Variants in RBFOX1 observed in about 807,000 individuals in gnomAD.
RBFOX1 encodes the protein RNA binding protein fox-1 homolog 1.
RBFOX1 carries 8 observed loss-of-function variants against 57.7 expected under a neutral mutation model. The ratio of observed to expected loss-of-function variants is 0.14; its 90% CI spans 0.08 to 0.25. The LOEUF (loss-of-function observed/expected upper bound fraction) is 0.25, where lower values mean the gene tolerates loss of function less well. Ranked by LOEUF, RBFOX1 falls within the 10% of genes least tolerant of loss-of-function variation. The pLI is 1.00. For missense variants in RBFOX1, 611 were observed against 548.5 expected (o/e 1.11, Z -1.14); for synonymous variants, 326 against 222.4 (o/e 1.47, Z -4.15).
chr16:5,755,258 A>T (rs573506547), intron 3 of RBFOX1, among the ~76,000 whole-genome samples: 96 of 149,592 alleles, frequency 6.4e-4, no homozygotes, highest in African/African-American at 2.1e-3. Flanking sequence ...CTCAAGGCAG[A>T]AGAATTTTTC....
chr16:6,580,905 T>A (rs1448500006), intron 2 of RBFOX1, among the ~76,000 whole-genome samples: 6 of 91,670 alleles, frequency 6.5e-5, no homozygotes, highest in Admixed American at 9.7e-5. Flanking sequence ...TCATTTGGGC[T>A]TGCTTTTTTT....
At position 7,025,711 on chromosome 16, in the gene RBFOX1, G is replaced by T. The variant is rs1308339335; in HGVS notation, c.-15-26346G>T. ...CCTGGCCTCTGGAGCCTGCCGCACT[G>T]CCAGTCAGGACATCCTAGCTGAGCA... On this transcript the variant is annotated intron_variant, in intron 3 of 15. Transcript: ENST00000550418. 3.3e-5 allele frequency among the ~76,000 whole-genome samples: 5 copies of T among 152,044 alleles called. No individual in the cohort carries two copies. The East Asian group carries it at 7.8e-4, about 24-fold the overall frequency.
intron 2 of RBFOX1, among the ~76,000 whole-genome samples, chr16:5,595,219 T>C (rs1346308696): frequency 6.6e-6 from 1 of 152,192 alleles, no homozygotes; most frequent in South Asian, 2.1e-4. Flanking sequence ...GCAGTTGTTA[T>C]GCAAAGAATA....
chr16:5,671,236 A>C (rs572753797), intron 3 of RBFOX1, among the ~76,000 whole-genome samples: 1 of 152,364 alleles, frequency 6.6e-6, no homozygotes, highest in South Asian at 2.1e-4. Context: ...GCAAAGCAAG[A>C]GAATAAAAGA....
chr16:7,403,971 TTTA>T (rs1424585658), intron 4 of RBFOX1, among the ~76,000 whole-genome samples: 6 of 150,236 alleles, frequency 4.0e-5, no homozygotes, highest in Middle Eastern at 6.5e-3. Flanking sequence ...TTAAGTTGTT[TTTA>T]TTATTGTGAA....
At chr16:5,682,692 T>A (rs1356935582) in intron 3 of RBFOX1, among the ~76,000 whole-genome samples, 1 of 152,200 alleles carries the variant, frequency 6.6e-6, no homozygotes, top group African/African-American at 2.4e-5. Context: ...TCAGGTTTTA[T>A]CCAAGGTTGT....
At position 5,879,270 on chromosome 16, in the gene RBFOX1, G is replaced by A. The variant is rs114210564; in HGVS notation, c.351+11935G>A. Among the ~76,000 whole-genome samples the A allele has an allele frequency of 3.5e-3, 527 of 152,354 alleles. 4 individuals are homozygous for A. Among genetic ancestry groups the A allele is most frequent in the African/African-American group, 0.012 (505 of 41,584 alleles). On this transcript the variant is annotated intron_variant, in intron 4 of 19. Transcript: ENST00000641259. ...CAAATGCTGTGCTGGGCCAGCAGGG[G>A]TTTCAGATGGTAAGCAGAAGCTGGA...
At chr16:7,035,532 G>C (rs1428384718) in intron 3 of RBFOX1, among the ~76,000 whole-genome samples, 1 of 152,144 alleles carries the variant, frequency 6.6e-6, no homozygotes, top group East Asian at 1.9e-4. Context: ...TTCCCACTCA[G>C]TTTCTTTCTG....
intron 2 of RBFOX1, chr16:5,598,856 A>G (rs1251788785): frequency 1.4e-6 from 2 of 1,414,708 alleles, no homozygotes; most frequent in Admixed American, 5.2e-5. Context: ...TTTTTCCTCA[A>G]CCCGGCTTCC....
At chr16:6,601,467 A>G (rs2097852123) in intron 2 of RBFOX1, among the ~76,000 whole-genome samples, 1 of 152,094 alleles carries the variant, frequency 6.6e-6, no homozygotes, top group African/African-American at 2.4e-5. Context: ...CTCTTTGAGA[A>G]ATTTTAAGGG....
intron 5 of RBFOX1, among the ~76,000 whole-genome samples, chr16:7,532,780 T>A (rs1281574667): frequency 6.6e-6 from 1 of 152,206 alleles, no homozygotes; most frequent in Non-Finnish European, 1.5e-5. Flanking sequence ...TGCTTTTGCA[T>A]GATGACAGCA....
intron 3 of RBFOX1, among the ~76,000 whole-genome samples, chr16:6,960,924 A>G (rs1233460921): frequency 1.3e-5 from 2 of 149,232 alleles, no homozygotes; most frequent in Non-Finnish European, 3.0e-5. Flanking sequence ...ACTTGAGGTC[A>G]GGAGACCAGC....
intron 3 of RBFOX1, among the ~76,000 whole-genome samples, chr16:6,759,337 G>C (rs183217251): frequency 7.2e-4 from 110 of 152,172 alleles, no homozygotes; most frequent in Middle Eastern, 3.4e-3. Flanking sequence ...TTTTAGTAGA[G>C]ACAGTGTTTA....
At chr16:5,666,939 C>G (rs990909135) in intron 3 of RBFOX1, among the ~76,000 whole-genome samples, 46 of 152,180 alleles carry the variant, frequency 3.0e-4, no homozygotes, top group African/African-American at 1.1e-3. Context: ...TTCATTCTAT[C>G]TGCTACCAGA....
chr16:6,294,648 A>G (rs1450335473), intron 1 of RBFOX1, among the ~76,000 whole-genome samples: 1 of 152,200 alleles, frequency 6.6e-6, no homozygotes, highest in East Asian at 1.9e-4. Flanking sequence ...CTACTAAAGT[A>G]ACTGGATGAT....
chr16:7,225,442 C>T (rs1232611251), intron 4 of RBFOX1, among the ~76,000 whole-genome samples: 1 of 152,076 alleles, frequency 6.6e-6, no homozygotes, highest in Non-Finnish European at 1.5e-5. Context: ...ACATCAGATG[C>T]ACCTTTCACC....
chr16:6,878,008 G>C (rs1020285955), intron 3 of RBFOX1, among the ~76,000 whole-genome samples: 6 of 152,102 alleles, frequency 3.9e-5, no homozygotes, highest in Admixed American at 2.6e-4. Flanking sequence ...GCATATAGGA[G>C]GAATTTAAGG....
intron 4 of RBFOX1, among the ~76,000 whole-genome samples, chr16:5,937,947 G>A (rs971896371): frequency 1.1e-4 from 16 of 151,952 alleles, no homozygotes; most frequent in African/African-American, 3.9e-4. Flanking sequence ...TACAACAGGA[G>A]TAACATCCAT....
intron 3 of RBFOX1, among the ~76,000 whole-genome samples, chr16:6,878,690 A>C (rs1462318116): frequency 6.6e-6 from 1 of 152,180 alleles, no homozygotes. Flanking sequence ...ACAGCAAGAA[A>C]CAGAAAGTAA....
Sources: allele counts gnomAD v4.1 joint callset (sites outside exome capture counted in the v4.1 genomes callset), GRCh38; gene constraint gnomAD v4.1.1; transcripts MANE v1.5; gene names NCBI Gene and HGNC (gene_info 2026-07-23, HGNC 2026-07-21).